The following METTL8 variants were observed in gnomAD, a reference collection of about 807,000 sequenced individuals.
METTL8 encodes the protein tRNA N(3)-cytidine methyltransferase METTL8, mitochondrial.
METTL8 carries 32 observed loss-of-function variants against 48.7 expected under a neutral mutation model. That is an observed-to-expected ratio of 0.66 (90% CI 0.50 to 0.88). The LOEUF (loss-of-function observed/expected upper bound fraction) is 0.88, where lower values mean the gene tolerates loss of function less well. METTL8 is among the 40% of genes least tolerant of loss of function. The pLI is 0.00. For missense variants in METTL8, 464 were observed against 474.4 expected (o/e 0.98, Z 0.20); for synonymous variants, 136 against 157.1 (o/e 0.87, Z 1.01).
intron 7 of METTL8, 141 bp from the exon 8 acceptor site, chr2:171,326,289 A>G (rs1684950189): frequency 3.6e-6 from 2 of 550,926 alleles, no homozygotes; most frequent in Middle Eastern, 4.7e-4. Context: ...GGTAACAAAA[A>G]TAAAAATATT....
rs1393741360 is a variant in METTL8, at chr2:171,316,659, T to C, written c.*7513A>G. Among the ~76,000 whole-genome samples the C allele has an allele frequency of 1.3e-5, 2 of 152,080 alleles. No individual in the cohort carries two copies. The highest frequency in any genetic ancestry group is 4.8e-5 in the African/African-American group (2 of 41,404). On this transcript the variant is annotated 3_prime_UTR_variant, in exon 10 of 10. Transcript: ENST00000375258. Reference sequence around the variant, plus strand: ...TGGGATCCTGAATTTCATCTTTCATTTGGATTAAAAAGAAACTTAAAAAAT... The same window carrying C: ...TGGGATCCTGAATTTCATCTTTCATCTGGATTAAAAAGAAACTTAAAAAAT...
chr2:171,339,427 A>C lies in METTL8; in HGVS notation c.363T>G (p.Pro121=). Residue 121 remains proline, a synonymous_variant, in exon 4 of 10, where the codon CCT becomes CCG. Transcript: ENST00000375258. Reference sequence around the variant, plus strand: ...ATGATGATTCTCTCGCCTTCTCTTCAGGTTTTTGATCAACTGGAAGAATTT... The same window carrying C: ...ATGATGATTCTCTCGCCTTCTCTTCCGGTTTTTGATCAACTGGAAGAATTT... ...FPEILPVDQK[P]EEKARESSWD... is the part of the protein sequence containing the mutation. The C allele has an allele frequency of 6.2e-7, 1 of 1,613,648 alleles. No homozygotes were observed. Among genetic ancestry groups the C allele is most frequent in the South Asian group, 1.1e-5 (1 of 91,030 alleles).
intron 3 of METTL8, among the ~76,000 whole-genome samples, chr2:171,351,147 A>C (rs988422787): frequency 3.9e-5 from 6 of 152,142 alleles, no homozygotes; most frequent in East Asian, 1.9e-4. Context: ...TGTATAAGGT[A>C]TAAGGAAGGG....
chr2:171,361,861 C>T (rs545450388), intron 2 of METTL8, among the ~76,000 whole-genome samples: 5 of 152,018 alleles, frequency 3.3e-5, no homozygotes, highest in South Asian at 4.1e-4. Flanking sequence ...GTAAACAATA[C>T]GTAAATGATA....
chr2:171,354,153 G>A (rs977753663), intron 3 of METTL8, among the ~76,000 whole-genome samples: 1 of 152,142 alleles, frequency 6.6e-6, no homozygotes, highest in Non-Finnish European at 1.5e-5. Flanking sequence ...GGGCAGGCCT[G>A]GTGGTGACAA....
chr2:171,351,795 A>G (rs952864108), intron 3 of METTL8, among the ~76,000 whole-genome samples: 4 of 152,134 alleles, frequency 2.6e-5, no homozygotes, highest in Non-Finnish European at 5.9e-5. Flanking sequence ...AATGCTTGTG[A>G]TTTTTGCACA....
chr2:171,333,649 G>C (rs1231444847), intron 5 of METTL8, among the ~76,000 whole-genome samples: 2 of 151,994 alleles, frequency 1.3e-5, no homozygotes, highest in Non-Finnish European at 2.9e-5. Flanking sequence ...GTTTTTTTCT[G>C]ATTAAATCCA....
At chr2:171,344,412 C>T (rs1327581695) in intron 3 of METTL8, among the ~76,000 whole-genome samples, 1 of 152,128 alleles carries the variant, frequency 6.6e-6, no homozygotes, top group African/African-American at 2.4e-5. Flanking sequence ...ATATGAACCC[C>T]CTGAAAATCA....
At chr2:171,359,009 G>A (rs1011066841) in intron 3 of METTL8, among the ~76,000 whole-genome samples, 1 of 151,828 alleles carries the variant, frequency 6.6e-6, no homozygotes, top group African/African-American at 2.4e-5. Context: ...AATGGGCAAG[G>A]TTGGGGCAGT....
intron 3 of METTL8, among the ~76,000 whole-genome samples, chr2:171,353,383 TCTAA>T: frequency 6.6e-6 from 1 of 152,350 alleles, no homozygotes; most frequent in Admixed American, 6.5e-5. Context: ...GTGCTTTACT[TCTAA>T]CTATGTGGTC....
intron 1 of METTL8, among the ~76,000 whole-genome samples, chr2:171,401,434 CAAT>C (rs1689630406): frequency 6.6e-6 from 1 of 152,088 alleles, no homozygotes; most frequent in Non-Finnish European, 1.5e-5. Context: ...AGAACAACAA[CAAT>C]AATTACAGTA....
At chr2:171,377,605 G>A (rs965490916) in intron 2 of METTL8, among the ~76,000 whole-genome samples, 4 of 151,986 alleles carry the variant, frequency 2.6e-5, no homozygotes, top group Non-Finnish European at 4.4e-5. Context: ...AAAAGAAGAT[G>A]TACAAACAGC....
chr2:171,408,631 T>C (rs1206277904), intron 1 of METTL8, among the ~76,000 whole-genome samples: 1 of 151,980 alleles, frequency 6.6e-6, no homozygotes, highest in Admixed American at 6.5e-5. Context: ...ATAGCAGAAA[T>C]ATCCCTAAGT....
intron 3 of METTL8, among the ~76,000 whole-genome samples, chr2:171,352,889 A>G (rs1306980916): frequency 6.6e-6 from 1 of 152,108 alleles, no homozygotes; most frequent in East Asian, 1.9e-4. Context: ...CTAGCGGTCT[A>G]TCAATTTTGT....
intron 1 of METTL8, among the ~76,000 whole-genome samples, chr2:171,402,213 A>G (rs1689717352): frequency 6.6e-6 from 1 of 152,190 alleles, no homozygotes; most frequent in Non-Finnish European, 1.5e-5. Flanking sequence ...GCACAAATAA[A>G]GATTAAACAG....
chr2:171,424,004 T>C (rs1692141928), intron 1 of METTL8, among the ~76,000 whole-genome samples: 1 of 152,182 alleles, frequency 6.6e-6, no homozygotes, highest in African/African-American at 2.4e-5. Context: ...CCTCAGGACT[T>C]GGTGCCCTGC....
chr2:171,365,950 T>C (rs149138972), intron 2 of METTL8, among the ~76,000 whole-genome samples: 392 of 152,216 alleles, frequency 2.6e-3, no homozygotes, highest in African/African-American at 8.5e-3. Context: ...TCTCACTGAG[T>C]GGCAGTTTCA....
At chr2:171,332,410 A>G (rs1685641198) in intron 5 of METTL8, 1 of 153,632 alleles carries the variant, frequency 6.5e-6, no homozygotes, top group South Asian at 2.0e-4. Context: ...TCTCCCGAGT[A>G]GCTGGAACTA....
intron 3 of METTL8, among the ~76,000 whole-genome samples, chr2:171,343,521 T>C (rs1343031888): frequency 1.3e-5 from 2 of 151,996 alleles, no homozygotes; most frequent in African/African-American, 2.4e-5. Context: ...GAATAGTATA[T>C]ACATTGATGG....
Sources: gnomAD v4.1 joint callset for allele counts (sites outside exome capture counted in the v4.1 genomes callset) on GRCh38, gnomAD v4.1.1 for gene constraint, MANE v1.5 for transcripts, NCBI Gene and HGNC (gene_info 2026-07-23, HGNC 2026-07-21) for gene names.